Variants in SVEP1 observed in about 807,000 individuals in gnomAD.
SVEP1 encodes the protein sushi, von Willebrand factor type A, EGF and pentraxin domain-containing protein 1.
In SVEP1, 164 loss-of-function variants were observed where a neutral mutation model predicts 367.3. The observed-to-expected ratio is 0.45, with a 90% CI of 0.39 to 0.51. The LOEUF is 0.51. Ranked by LOEUF, SVEP1 falls within the 20% of genes least tolerant of loss-of-function variation. SVEP1 has a pLI of 0.00. For synonymous variants in SVEP1, 1,666 were observed against 1,611.6 expected (o/e 1.03, Z -0.81); for missense variants, 4,117 against 4,425.3 (o/e 0.93, Z 1.98).
Position 110,457,322 on chromosome 9 carries a change from G to A in SVEP1, c.3607C>T (p.His1203Tyr). The A allele has an allele frequency of 6.2e-7, 1 of 1,612,230 alleles. No homozygotes were observed. The highest frequency in any genetic ancestry group is 8.5e-7 in the Non-Finnish European group (1 of 1,179,504). Residue 1203 changes from histidine (H) to tyrosine (Y), a missense_variant, in exon 21 of 48, where the codon CAC becomes TAC. Physicochemically the swap from His to Tyr is moderately conservative, Grantham distance 83 (BLOSUM62 2). Coordinates refer to ENST00000374469, the MANE Select transcript of SVEP1 (RefSeq NM_153366.4). The stretch of plus-strand genomic sequence containing the variant: ...AGTTGCTGGCAGGTTCCACTATTGT[G>A]GCAAGGGTTAAAGAAGCATTCATGG... ...VFHECFFNPC[H>Y]NSGTCQQLGR...
At chr9:110,461,948 C>T (rs910022187) in intron 18 of SVEP1, among the ~76,000 whole-genome samples, 14 of 152,052 alleles carry the variant, frequency 9.2e-5, no homozygotes, top group Admixed American at 6.6e-4. Flanking sequence ...AAATGGGTTT[C>T]CTCAATCTCA....
intron 30 of SVEP1, among the ~76,000 whole-genome samples, chr9:110,433,081 T>C (rs1023980078): frequency 6.6e-6 from 1 of 152,118 alleles, no homozygotes; most frequent in Non-Finnish European, 1.5e-5. Flanking sequence ...GCTTCTGTCA[T>C]GTGATGTGCC....
At chr9:110,533,758 A>G (rs1047790252) in intron 3 of SVEP1, among the ~76,000 whole-genome samples, 2 of 152,206 alleles carry the variant, frequency 1.3e-5, no homozygotes, top group African/African-American at 4.8e-5. Flanking sequence ...AATTGCTAAC[A>G]TTGGCCATCA....
intron 36 of SVEP1, among the ~76,000 whole-genome samples, chr9:110,425,966 A>T (rs997316164): frequency 6.6e-6 from 1 of 152,172 alleles, no homozygotes; most frequent in African/African-American, 2.4e-5. Flanking sequence ...AATCAGAAAA[A>T]GCCCCAGCAA....
intron 33 of SVEP1, 88 bp from the exon 34 acceptor site, chr9:110,430,092 T>C (rs1828327109): frequency 7.1e-7 from 1 of 1,413,994 alleles, no homozygotes. Context: ...AGATCTTTTT[T>C]TGTTTGTTTG....
intron 5 of SVEP1, among the ~76,000 whole-genome samples, chr9:110,510,385 T>G (rs1427309259): frequency 6.6e-6 from 1 of 152,152 alleles, no homozygotes; most frequent in Non-Finnish European, 1.5e-5. Flanking sequence ...TCCCATAACA[T>G]GCATGGTGAC....
intron 1 of SVEP1, among the ~76,000 whole-genome samples, chr9:110,554,753 T>TGC (rs1491365075): frequency 6.6e-6 from 1 of 151,640 alleles, no homozygotes; most frequent in East Asian, 1.9e-4. Flanking sequence ...TGTGTGTGTG[T>TGC]ATGTATGTAT....
At position 110,369,914 on chromosome 9, in the gene SVEP1, T is replaced by A; in HGVS notation, c.10694+9A>T. The A allele has an allele frequency of 1.2e-6, 2 of 1,609,418 alleles. No individual in the cohort carries two copies. The highest frequency in any genetic ancestry group is 1.7e-6 in the Non-Finnish European group (2 of 1,177,796). ...GTTATAGGCGAACATTAGTTTTTGGTTATCTTACCTGGAACAGTTATGTCC... is the reference window on the plus strand; with the variant it reads ...GTTATAGGCGAACATTAGTTTTTGGATATCTTACCTGGAACAGTTATGTCC... On this transcript the variant is annotated intron_variant, in intron 47 of 47. Coordinates refer to ENST00000374469, the MANE Select transcript of SVEP1 (RefSeq NM_153366.4).
chr9:110,534,405 C>T (rs1042117304), intron 3 of SVEP1, among the ~76,000 whole-genome samples: 3 of 152,148 alleles, frequency 2.0e-5, no homozygotes, highest in East Asian at 1.9e-4. Context: ...ACATGCACCA[C>T]ATTTTCTTTA....
chr9:110,477,817 C>T (rs553727323), intron 13 of SVEP1, among the ~76,000 whole-genome samples: 1 of 152,260 alleles, frequency 6.6e-6, no homozygotes, highest in Non-Finnish European at 1.5e-5. Context: ...CCCAAGCCAC[C>T]ATCATCTCTT....
chr9:110,430,877 AAT>A (rs1330138159), intron 32 of SVEP1, among the ~76,000 whole-genome samples: 1 of 152,146 alleles, frequency 6.6e-6, no homozygotes, highest in Non-Finnish European at 1.5e-5. Flanking sequence ...TCCCTTCCCA[AAT>A]AGAGTATGGG....
rs571972234 is a variant in SVEP1 at position 110,480,673 on chromosome 9, C to T, written c.2365+569G>A. ...GTGCAACAGGGTCTCATTCTGTCAC[C>T]CAAGCTGAAGTACAGTGATGTGATC... On this transcript the variant is annotated intron_variant, in intron 12 of 47. Coordinates refer to ENST00000374469, the MANE Select transcript of SVEP1 (RefSeq NM_153366.4). Among the ~76,000 whole-genome samples, 14 of 151,790 alleles carry T rather than the reference C, an allele frequency of 9.2e-5. 1 individual carries two copies. In the South Asian group the frequency reaches 2.9e-3, roughly 32 times the overall value.
intron 40 of SVEP1, among the ~76,000 whole-genome samples, chr9:110,391,977 T>C (rs1159691183): frequency 2.0e-5 from 3 of 151,746 alleles, no homozygotes; most frequent in Non-Finnish European, 4.4e-5. Flanking sequence ...ACTCATCTCC[T>C]CCTCTATCTT....
intron 39 of SVEP1, among the ~76,000 whole-genome samples, chr9:110,403,045 A>G (rs1827887011): frequency 6.6e-6 from 1 of 152,168 alleles, no homozygotes; most frequent in Non-Finnish European, 1.5e-5. Context: ...AATAAGCTGA[A>G]GGAATATAAG....
At chr9:110,522,789 C>T (rs1319185031) in intron 3 of SVEP1, among the ~76,000 whole-genome samples, 1 of 151,958 alleles carries the variant, frequency 6.6e-6, no homozygotes, top group South Asian at 2.1e-4. Flanking sequence ...TTTCTTCACT[C>T]CTCTACCTCA....
At chr9:110,533,680 G>A (rs751208230) in intron 3 of SVEP1, among the ~76,000 whole-genome samples, 8 of 152,258 alleles carry the variant, frequency 5.3e-5, no homozygotes, top group Non-Finnish European at 7.4e-5. Flanking sequence ...TGTTTTCAAC[G>A]AGTTTGGAAT....
rs1193409651 is a variant in SVEP1, at chr9:110,551,184, A to C, written c.532-1080T>G. On this transcript the variant is annotated intron_variant, in intron 1 of 47. Transcript: ENST00000374469. ...CCTATGTTGTGTTAAAGTGAAAAGG[A>C]GATATTGTGATTTTTAAAATGTTTG... Among the ~76,000 whole-genome samples the C allele has an allele frequency of 4.6e-5, 7 of 152,230 alleles. No homozygotes were observed. In the East Asian group the frequency reaches 1.3e-3, roughly 29 times the overall value.
chr9:110,429,409 T>A, intron 34 of SVEP1, 75 bp from the exon 35 acceptor site: 1 of 1,037,798 alleles, frequency 9.6e-7, no homozygotes, highest in Non-Finnish European at 1.3e-6. Flanking sequence ...CAAAAACCTC[T>A]AAAAATATTA....
chr9:110,367,009 G>T, intron 47 of SVEP1, among the ~76,000 whole-genome samples: 1 of 152,360 alleles, frequency 6.6e-6, no homozygotes, highest in South Asian at 2.1e-4. Context: ...GGCCAGGTCA[G>T]TCTTATTTAT....
Sources: allele counts gnomAD v4.1 joint callset (sites outside exome capture counted in the v4.1 genomes callset), GRCh38; gene constraint gnomAD v4.1.1; transcripts MANE v1.5; gene names NCBI Gene and HGNC (gene_info 2026-07-23, HGNC 2026-07-21).